Variants in LRIT3 observed in about 807,000 individuals in gnomAD.
The protein encoded by LRIT3 is leucine-rich repeat, immunoglobulin-like domain and transmembrane domain-containing protein 3.
Under a neutral mutation model 22.6 loss-of-function variants are expected in LRIT3, and 14 were observed. That is an observed-to-expected ratio of 0.62 (90% CI 0.41 to 0.97). LRIT3 has a LOEUF of 0.97. LRIT3 is among the 50% of genes least tolerant of loss of function. The probability of loss-of-function intolerance (pLI) is 0.00; values close to 1 mark genes in which losing one functional copy is unlikely to be tolerated. For synonymous variants in LRIT3, 306 were observed against 304.5 expected (o/e 1.01, Z -0.05); for missense variants, 783 against 803.0 (o/e 0.98, Z 0.30).
At position 109,857,886 on chromosome 4, in the gene LRIT3, A is replaced by G. The variant is rs111839778; in HGVS notation, c.589+5910A>G. On this transcript the variant is annotated intron_variant, in intron 2 of 3. Transcript: ENST00000594814. ...AAGGCTTATATTGGGATGTGTGAAT[A>G]TAATCAGCGATTCCTATTTTGATCT... Among the ~76,000 whole-genome samples, 752 of 152,342 alleles carry G rather than the reference A, an allele frequency of 4.9e-3. 1 individual carries two copies. Among genetic ancestry groups the G allele is most frequent in the Non-Finnish European group, 9.0e-3 (615 of 68,020 alleles).
rs1734119562 is a variant in LRIT3 at position 109,848,210 on chromosome 4, CTT to C, written c.11_12del (p.Phe4CysfsTer8). The part of the protein sequence containing the change: MHL[F>X]ACLCIVLSFL... ...AACCTCTAAAAGGAGCAATGCATCTCTTTGCATGTCTGTGCATTGTCCTTAGC... is the reference window on the plus strand; with the variant it reads ...AACCTCTAAAAGGAGCAATGCATCTCTGCATGTCTGTGCATTGTCCTTAGC... On this transcript the variant is annotated frameshift_variant, in exon 1 of 4. Transcript: ENST00000594814. LOFTEE classifies it high-confidence loss of function. The C allele has an allele frequency of 1.6e-6, 2 of 1,230,896 alleles. No individual in the cohort carries two copies. Among genetic ancestry groups the C allele is most frequent in the Non-Finnish European group, 2.0e-6 (2 of 986,942 alleles). 76.2% of individuals were successfully genotyped at this position (1,230,896 alleles called of 1,614,324 possible).
intron 2 of LRIT3, among the ~76,000 whole-genome samples, chr4:109,858,109 C>T (rs888835915): frequency 6.6e-5 from 10 of 152,070 alleles, no homozygotes; most frequent in South Asian, 4.2e-4. Flanking sequence ...GGCAGGACAA[C>T]GATCATCTAC....
chr4:109,870,112 G>T lies in LRIT3; in HGVS notation c.1363G>T (p.Ala455Ser). 6.2e-7 allele frequency: 1 copy of T among 1,614,168 alleles called. No individual in the cohort carries two copies. The highest frequency in any genetic ancestry group is 8.5e-7 in the Non-Finnish European group (1 of 1,180,012). ...AGGTGGGAAAAGAAATTTAAAGGTG[G>T]CAAAGAATGGAAGTAAGCTTCCTCC... is the stretch of plus-strand genomic sequence containing the variant. ...HQGGKRNLKV[A>S]KNGSKLPPAS... The change falls in exon 4 of 4, where the codon GCA becomes TCA. Residue 455 changes from alanine to serine, a missense_variant. By Grantham distance (99) the Ala-to-Ser change is moderately conservative. Coordinates refer to ENST00000594814, the MANE Select transcript of LRIT3 (RefSeq NM_198506.5).
At chr4:109,855,251 T>C (rs1174307044) in intron 2 of LRIT3, among the ~76,000 whole-genome samples, 1 of 152,230 alleles carries the variant, frequency 6.6e-6, no homozygotes, top group Non-Finnish European at 1.5e-5. Context: ...ATTCAACTTC[T>C]TCCTGGTTTA....
At chr4:109,862,631 C>T (rs1490979314) in intron 2 of LRIT3, among the ~76,000 whole-genome samples, 2 of 152,102 alleles carry the variant, frequency 1.3e-5, no homozygotes, top group East Asian at 1.9e-4. Context: ...AAATTGTTAA[C>T]ATTGTATAGC....
intron 1 of LRIT3, among the ~76,000 whole-genome samples, chr4:109,850,415 C>CTCT (rs1734200252): frequency 2.0e-3 from 36 of 17,728 alleles, no homozygotes; most frequent in African/African-American, 7.1e-3. Context: ...TCCTTCCTTC[C>CTCT]TTCCTTCCTT....
intron 2 of LRIT3, among the ~76,000 whole-genome samples, chr4:109,855,748 C>T (rs1478025801): frequency 6.6e-6 from 1 of 152,136 alleles, no homozygotes; most frequent in Admixed American, 6.6e-5. Flanking sequence ...TGTCTTTGTT[C>T]TCATTGGTTT....
chr4:109,851,718 C>G lies in LRIT3; in HGVS notation c.331C>G (p.Arg111Gly), dbSNP rs79039619. The part of the protein sequence containing the change: ...FYNLKQLHEL[R>G]LDGNSLAAFP... ...CAACCTGAAGCAACTGCATGAGTTG[C>G]GCTTGGATGGGAATTCTCTGGCTGC... Residue 111 changes from arginine (R) to glycine (G), a missense_variant, in exon 2 of 4, where the codon CGC becomes GGC. Physicochemically the swap from Arg to Gly is moderately radical, Grantham distance 125. This residue lies in a region of LRIT3 where 756 missense variants were observed against 753.8 expected (regional missense o/e 1.00). Transcript: ENST00000594814. The G allele has an allele frequency of 0.012, 18,455 of 1,551,640 alleles. 927 individuals are homozygous for G. In the East Asian group the frequency reaches 0.14, roughly 12 times the overall value.
chr4:109,853,646 T>G (rs919588585), intron 2 of LRIT3, among the ~76,000 whole-genome samples: 4 of 152,212 alleles, frequency 2.6e-5, no homozygotes, highest in East Asian at 3.8e-4. Context: ...CTTTTTGGTG[T>G]TTTAGTCATG....
rs762878071 is a variant in LRIT3 at position 109,870,343 on chromosome 4, G to A, written c.1594G>A (p.Ala532Thr). 7.4e-6 allele frequency: 12 copies of A among 1,614,074 alleles called. No individual in the cohort carries two copies. The South Asian group carries it at 1.3e-4, about 18-fold the overall frequency. Residue 532 changes from alanine (A) to threonine (T), a missense_variant, in exon 4 of 4, where the codon GCA becomes ACA. Ala to Thr is a moderately conservative substitution (Grantham distance 58). This residue lies in a region of LRIT3 where 756 missense variants were observed against 753.8 expected (regional missense o/e 1.00). Coordinates refer to ENST00000594814, the MANE Select transcript of LRIT3 (RefSeq NM_198506.5). ...TGGGAAGGACCTGCTGCTGTTGAAT[G>A]CAGACTCCAGCAAGAACCAAGTAAC... ...YGGKDLLLLNADSSKNQVTID... is the reference protein window; with the variant it reads ...YGGKDLLLLNTDSSKNQVTID...
intron 3 of LRIT3, among the ~76,000 whole-genome samples, chr4:109,868,762 G>T (rs1258390706): frequency 6.6e-6 from 1 of 152,062 alleles, no homozygotes; most frequent in Non-Finnish European, 1.5e-5. Context: ...GACAATTAAA[G>T]TGATATATTT....
chr4:109,850,398 C>CTTT (rs1232045350), intron 1 of LRIT3, among the ~76,000 whole-genome samples: 1 of 574 alleles, frequency 1.7e-3, no homozygotes, highest in Non-Finnish European at 6.2e-3. Context: ...TTCCTTCCTT[C>CTTT]CTTCCTTCCT....
At chr4:109,851,284 G>A in intron 1 of LRIT3, 2 of 549,750 alleles carry the variant, frequency 3.6e-6, no homozygotes, top group Admixed American at 6.8e-5. Context: ...ATGAGGTTGA[G>A]ACACTGGTGA....
rs910477102 is a variant in LRIT3, at chr4:109,872,270, T to C, written c.*1481T>C. ...GCCTATGACACCAGCCAGCTCCTGC[T>C]TTCTGTCTTGTAAGAGCACTGCTGG... is the stretch of plus-strand genomic sequence containing the variant. On this transcript the variant is annotated 3_prime_UTR_variant, in exon 4 of 4. Coordinates refer to ENST00000594814, the MANE Select transcript of LRIT3 (RefSeq NM_198506.5). 2 of 152,268 alleles carry C rather than the reference T, an allele frequency of 1.3e-5. No individual in the cohort carries two copies. The highest frequency in any genetic ancestry group is 4.8e-5 in the African/African-American group (2 of 41,472). The allele number at this position is 152,268 out of a possible 1,614,324, so 9.4% of individuals were successfully genotyped here.
chr4:109,851,287 A>G (rs1228627119), intron 1 of LRIT3: 25 of 554,746 alleles, frequency 4.5e-5, no homozygotes, highest in Non-Finnish European at 6.9e-5. Context: ...AGGTTGAGAC[A>G]CTGGTGAAGT....
intron 1 of LRIT3, among the ~76,000 whole-genome samples, chr4:109,849,162 TAATA>T (rs1734148797): frequency 6.6e-6 from 1 of 152,194 alleles, no homozygotes; most frequent in Non-Finnish European, 1.5e-5. Flanking sequence ...AAATAAATAA[TAATA>T]AATAAGACAT....
chr4:109,857,108 A>G (rs1316199098), intron 2 of LRIT3, among the ~76,000 whole-genome samples: 1 of 152,164 alleles, frequency 6.6e-6, no homozygotes. Flanking sequence ...CAAGTATACA[A>G]GTAACAATTA....
At chr4:109,850,775 C>T (rs1734235376) in intron 1 of LRIT3, among the ~76,000 whole-genome samples, 1 of 151,950 alleles carries the variant, frequency 6.6e-6, no homozygotes, top group Admixed American at 6.6e-5. Context: ...CATTGCCCAG[C>T]TGGGACATTG....
chr4:109,854,859 G>A (rs1734362046), intron 2 of LRIT3, among the ~76,000 whole-genome samples: 1 of 152,130 alleles, frequency 6.6e-6, no homozygotes, highest in Non-Finnish European at 1.5e-5. Flanking sequence ...TTCTGTTTAT[G>A]TGATGGATTA....
Sources: allele counts gnomAD v4.1 joint callset (sites outside exome capture counted in the v4.1 genomes callset), GRCh38; gene constraint gnomAD v4.1.1; regional missense constraint gnomAD v4.1.1; transcripts MANE v1.5; gene names NCBI Gene and HGNC (gene_info 2026-07-23, HGNC 2026-07-21).